Variants in TCF4 observed in about 807,000 individuals in gnomAD.
TCF4 encodes SL3-3 enhancer factor 2.
TCF4 carries 3 observed loss-of-function variants against 82.1 expected under a neutral mutation model. The ratio of observed to expected loss-of-function variants is 0.04; its 90% CI spans 0.02 to 0.09. TCF4 has a LOEUF of 0.09. TCF4 is among the 10% of genes least tolerant of loss of function. The pLI, the probability that TCF4 is intolerant of heterozygous loss-of-function variation, is 1.00. For synonymous variants in TCF4, 276 were observed against 309.6 expected, an observed-to-expected ratio of 0.89 and a Z score of 1.14; for missense variants, 518 against 852.7, an observed-to-expected ratio of 0.61 and a Z score of 4.89.
rs398041380 is a variant in TCF4 at position 55,399,880 on chromosome 18, T to TCACACACA, written c.369+3566_369+3573dup. Among the ~76,000 whole-genome samples the TCACACACA allele has an allele frequency of 6.8e-4, 43 of 63,466 alleles. 1 individual carries two copies. Among genetic ancestry groups the TCACACACA allele is most frequent in the East Asian group, 1.9e-3 (3 of 1,588 alleles). The allele number at this position is 63,466 out of a possible 152,430, so 41.6% of individuals were successfully genotyped here. ...CTCTCTCTCTCTCTCTCTCTCTCTC[T>TCACACACA]CACACACACACACACACACACACAC... On this transcript the variant is annotated intron_variant, in intron 6 of 19. Transcript: ENST00000354452.
intron 3 of TCF4, among the ~76,000 whole-genome samples, chr18:55,549,233 G>C (rs995308564): frequency 6.6e-6 from 1 of 151,988 alleles, no homozygotes; most frequent in South Asian, 2.1e-4. Context: ...CCCAGGAGGC[G>C]GAGGCTGCAG....
At chr18:55,370,503 CAT>C (rs2088776554) in intron 6 of TCF4, among the ~76,000 whole-genome samples, 1 of 151,994 alleles carries the variant, frequency 6.6e-6, no homozygotes, top group South Asian at 2.1e-4. Flanking sequence ...ATAGATGTAA[CAT>C]AGAAACACTC....
intron 3 of TCF4, chr18:55,510,847 T>C: frequency 1.0e-6 from 1 of 980,048 alleles, no homozygotes. Context: ...GTTTATGAGC[T>C]ACATTAGAAA....
intron 2 of TCF4, among the ~76,000 whole-genome samples, chr18:55,606,272 C>T (rs2147955564): frequency 6.6e-6 from 1 of 152,272 alleles, no homozygotes; most frequent in South Asian, 2.1e-4. Flanking sequence ...TTTGTCTACA[C>T]ATTTGGTCTA....
intron 2 of TCF4, among the ~76,000 whole-genome samples, chr18:55,621,852 GTATTA>G (rs1255898291): frequency 5.3e-4 from 43 of 81,498 alleles, no homozygotes; most frequent in South Asian, 1.9e-3. Context: ...TACAATGTAT[GTATTA>G]TATTATATAT....
At chr18:55,569,455 G>GA (rs2097440918) in intron 3 of TCF4, among the ~76,000 whole-genome samples, 2 of 152,112 alleles carry the variant, frequency 1.3e-5, no homozygotes, top group Admixed American at 6.5e-5. Flanking sequence ...TGAGGCAAGA[G>GA]AATCACTTGA....
intron 8 of TCF4, chr18:55,302,383 G>A: frequency 6.5e-7 from 1 of 1,533,946 alleles, no homozygotes; most frequent in Non-Finnish European, 8.7e-7. Flanking sequence ...GGCAGGCTCA[G>A]GATAGACCAC....
chr18:55,382,511 T>C (rs1231025701), intron 6 of TCF4, among the ~76,000 whole-genome samples: 1 of 152,120 alleles, frequency 6.6e-6, no homozygotes, highest in Non-Finnish European at 1.5e-5. Context: ...TTAGAATTAA[T>C]TAAATATGGA....
intron 6 of TCF4, among the ~76,000 whole-genome samples, chr18:55,368,363 AGAGG>A (rs2087846100): frequency 1.3e-5 from 2 of 152,316 alleles, no homozygotes; most frequent in South Asian, 4.1e-4. Context: ...CCTGGGTGAC[AGAGG>A]GAGGCTCTGT....
At chr18:55,432,569 G>T (rs2095235328) in intron 5 of TCF4, among the ~76,000 whole-genome samples, 1 of 152,172 alleles carries the variant, frequency 6.6e-6, no homozygotes, top group Non-Finnish European at 1.5e-5. Flanking sequence ...TCACATGTCA[G>T]TGAGTGTGGA....
intron 6 of TCF4, among the ~76,000 whole-genome samples, chr18:55,388,693 C>T (rs1301443528): frequency 6.6e-6 from 1 of 152,154 alleles, no homozygotes; most frequent in African/African-American, 2.4e-5. Context: ...CAACTTTATC[C>T]AGTGCTAAAG....
At chr18:55,342,036 G>A (rs1020455514) in intron 8 of TCF4, among the ~76,000 whole-genome samples, 3 of 152,262 alleles carry the variant, frequency 2.0e-5, no homozygotes, top group South Asian at 4.1e-4. Context: ...GTTTTTAGCT[G>A]CAATGAAAAA....
chr18:55,543,823 C>T (rs1435447638), intron 3 of TCF4, among the ~76,000 whole-genome samples: 3 of 152,100 alleles, frequency 2.0e-5, no homozygotes, highest in African/African-American at 7.2e-5. Flanking sequence ...CCAATAATTC[C>T]CAAAATACCT....
intron 6 of TCF4, chr18:55,400,789 C>T: frequency 2.6e-6 from 1 of 381,008 alleles, no homozygotes; most frequent in Non-Finnish European, 4.8e-6. Context: ...ACCACTCTGT[C>T]TCTACACCAA....
At chr18:55,596,752 CAA>C (rs1256707517) in intron 2 of TCF4, among the ~76,000 whole-genome samples, 1 of 152,008 alleles carries the variant, frequency 6.6e-6, no homozygotes, top group Non-Finnish European at 1.5e-5. Flanking sequence ...TGCATCATAA[CAA>C]GAGTATTGCT....
intron 3 of TCF4, among the ~76,000 whole-genome samples, chr18:55,555,965 A>G (rs2097300225): frequency 6.6e-6 from 1 of 152,198 alleles, no homozygotes; most frequent in Non-Finnish European, 1.5e-5. Context: ...TCTGGTAAGA[A>G]TGGAGTTCTT....
chr18:55,240,941 C>T (rs867657445), intron 15 of TCF4, among the ~76,000 whole-genome samples: 4 of 152,172 alleles, frequency 2.6e-5, no homozygotes, highest in South Asian at 2.1e-4. Context: ...AACATCACAG[C>T]TTCTCTTATG....
chr18:55,627,036 C>A (rs1000329447), intron 2 of TCF4, among the ~76,000 whole-genome samples: 1 of 152,160 alleles, frequency 6.6e-6, no homozygotes, highest in Non-Finnish European at 1.5e-5. Context: ...GATGTGATTA[C>A]AGTGTGAAGG....
At chr18:55,438,554 C>T (rs1165724366) in intron 5 of TCF4, among the ~76,000 whole-genome samples, 1 of 152,196 alleles carries the variant, frequency 6.6e-6, no homozygotes, top group African/African-American at 2.4e-5. Context: ...CTTTCAGAGA[C>T]ACCTGAACAT....
Sources: allele counts gnomAD v4.1 joint callset (sites outside exome capture counted in the v4.1 genomes callset), GRCh38; gene constraint gnomAD v4.1.1; transcripts MANE v1.5; gene names NCBI Gene and HGNC (gene_info 2026-07-23, HGNC 2026-07-21).